CREBL2: variants seen among roughly 807,000 people sequenced by gnomAD.
The protein encoded by CREBL2 is cAMP-responsive element-binding protein-like 2.
Under a neutral mutation model 19.5 loss-of-function variants are expected in CREBL2, and 4 were observed. The observed-to-expected ratio is 0.20, with a 90% CI of 0.10 to 0.47. The LOEUF (loss-of-function observed/expected upper bound fraction) is 0.47. Among genes scored for constraint, CREBL2 ranks in the 20% least tolerant of loss-of-function variants. CREBL2 has a pLI of 0.98. For missense variants in CREBL2, 85 were observed against 145.1 expected, an observed-to-expected ratio of 0.59 and a Z score of 2.13; for synonymous variants, 42 against 46.6, an observed-to-expected ratio of 0.90 and a Z score of 0.40.
At chr12:12,641,263 A>ATTTTT (rs761407635) in intron 3 of CREBL2, among the ~76,000 whole-genome samples, 5 of 85,918 alleles carry the variant, frequency 5.8e-5, no homozygotes, top group African/African-American at 8.4e-5. Context: ...ATTTTTTTTT[A>ATTTTT]TTTTTTTTTT....
chr12:12,640,844 A>G (rs1200986852), intron 3 of CREBL2, among the ~76,000 whole-genome samples: 1 of 152,072 alleles, frequency 6.6e-6, no homozygotes, highest in African/African-American at 2.4e-5. Flanking sequence ...CACTTTGTTG[A>G]TAGTGTTCTT....
chr12:12,612,102 C>T lies in CREBL2; in HGVS notation c.-71C>T, dbSNP rs1945271467. The stretch of plus-strand genomic sequence containing the variant: ...TCCCCTTCTTCCTCGGGGCGGGGGC[C>T]GGGCCAGGCCGGCTGAGCCGGGGGA... On this transcript the variant is annotated 5_prime_UTR_variant, in exon 1 of 4. Coordinates refer to ENST00000228865, the MANE Select transcript of CREBL2 (RefSeq NM_001310.4). The T allele has an allele frequency of 1.6e-5, 26 of 1,586,128 alleles. No individual in the cohort carries two copies. Among genetic ancestry groups the T allele is most frequent in the Non-Finnish European group, 2.1e-5 (25 of 1,163,478 alleles).
chr12:12,637,502 T>G (rs952547800), intron 2 of CREBL2, 68 bp from the exon 3 acceptor site: 12 of 1,064,844 alleles, frequency 1.1e-5, no homozygotes, highest in Non-Finnish European at 1.3e-5. Context: ...TCCTGAACTC[T>G]GACAAGTAAA....
intron 1 of CREBL2, among the ~76,000 whole-genome samples, chr12:12,619,370 G>T (rs2136300203): frequency 6.6e-6 from 1 of 152,244 alleles, no homozygotes; most frequent in East Asian, 1.9e-4. Flanking sequence ...AGCACTTTGA[G>T]AGGCCAAGGT....
chr12:12,625,392 T>A (rs1206496121), intron 1 of CREBL2, among the ~76,000 whole-genome samples: 8 of 152,222 alleles, frequency 5.3e-5, no homozygotes, highest in Non-Finnish European at 1.0e-4. Context: ...AGGTGTAACA[T>A]GAAAAAGTTT....
rs1305132917 is a variant in CREBL2 at position 12,641,258 on chromosome 12, TTTTTA to T, written c.359-731_359-727del. 5.3e-4 allele frequency among the ~76,000 whole-genome samples: 51 copies of T among 96,898 alleles called. 3 individuals carry two copies. The highest frequency in any genetic ancestry group is 3.6e-3 in the East Asian group (12 of 3,342). 63.6% of individuals were successfully genotyped at this position (96,898 alleles called of 152,430 possible). On this transcript the variant is annotated intron_variant, in intron 3 of 3. Transcript: ENST00000228865. ...TTATTATTATTATTATTATTATTTT[TTTTTA>T]TTTTTTTTTTTTTTAGGTCAACCTC...
chr12:12,617,768 A>G (rs1378622868), intron 1 of CREBL2, among the ~76,000 whole-genome samples: 1 of 147,640 alleles, frequency 6.8e-6, no homozygotes, highest in Admixed American at 7.0e-5. Flanking sequence ...GTCAGCAGAT[A>G]AACATGTGAA....
At chr12:12,641,913 A>G (rs1236096478) in intron 3 of CREBL2, 81 bp from the exon 4 acceptor site, 2 of 946,828 alleles carry the variant, frequency 2.1e-6, no homozygotes, top group Admixed American at 6.2e-5. Context: ...CTGAAAAAAA[A>G]AATTTATGCA....
At chr12:12,620,310 T>G (rs756082793) in intron 1 of CREBL2, among the ~76,000 whole-genome samples, 9 of 152,136 alleles carry the variant, frequency 5.9e-5, no homozygotes, top group African/African-American at 2.2e-4. Context: ...CATGGTTCAC[T>G]GCAGCCTCCA....
At chr12:12,640,505 G>T (rs976412876) in intron 3 of CREBL2, among the ~76,000 whole-genome samples, 1 of 151,992 alleles carries the variant, frequency 6.6e-6, no homozygotes, top group Non-Finnish European at 1.5e-5. Context: ...ATTTCATATT[G>T]TTCCAACACA....
intron 1 of CREBL2, among the ~76,000 whole-genome samples, chr12:12,626,439 C>G (rs759541514): frequency 7.2e-5 from 11 of 152,144 alleles, no homozygotes; most frequent in Non-Finnish European, 1.0e-4. Flanking sequence ...TTGACCCCTC[C>G]CCTCCAGAAT....
At chr12:12,618,216 C>T (rs1247781971) in intron 1 of CREBL2, among the ~76,000 whole-genome samples, 11 of 149,246 alleles carry the variant, frequency 7.4e-5, no homozygotes, top group African/African-American at 2.3e-4. Flanking sequence ...CGGGCGGAGA[C>T]GCTCCTCACT....
At chr12:12,613,990 C>CTTTTTTTTTTTTTTTTTTTTTTTTTT (rs57522744) in intron 1 of CREBL2, among the ~76,000 whole-genome samples, 1 of 72,922 alleles carries the variant, frequency 1.4e-5, no homozygotes, top group African/African-American at 5.5e-5. Flanking sequence ...TCTTTTTTTT[C>CTTTTTTTTTTTTTTTTTTTTTTTTTT]TTTTTTTTTT....
intron 1 of CREBL2, among the ~76,000 whole-genome samples, chr12:12,626,051 C>T (rs904019276): frequency 6.6e-6 from 1 of 152,072 alleles, no homozygotes; most frequent in Non-Finnish European, 1.5e-5. Context: ...TCATAATGAG[C>T]GCTTTCTGAC....
At chr12:12,619,401 T>C (rs1209079356) in intron 1 of CREBL2, among the ~76,000 whole-genome samples, 1 of 151,496 alleles carries the variant, frequency 6.6e-6, no homozygotes, top group African/African-American at 2.4e-5. Context: ...AGTTCAGGAG[T>C]TCAAGATCAG....
At position 12,643,231 on chromosome 12, in the gene CREBL2, ATT is replaced by A. The variant is rs2136309160; in HGVS notation, c.*1235_*1236del. The A allele has an allele frequency of 1.3e-5, 2 of 152,648 alleles. No homozygotes were observed. The highest frequency in any genetic ancestry group is 4.1e-4 in the South Asian group (2 of 4,824). The allele number at this position is 152,648 out of a possible 1,614,324, so 9.5% of individuals were successfully genotyped here. On this transcript the variant is annotated 3_prime_UTR_variant, in exon 4 of 4. Coordinates refer to ENST00000228865, the MANE Select transcript of CREBL2 (RefSeq NM_001310.4). Reference sequence around the variant, plus strand: ...GCAGAAGGGCAGGGTAGTTCTTTCCATTTCCCCTTGCAGCTACACTTACTTTC... The same window carrying A: ...GCAGAAGGGCAGGGTAGTTCTTTCCATCCCCTTGCAGCTACACTTACTTTC...
chr12:12,627,613 T>C (rs1018163732), intron 1 of CREBL2, among the ~76,000 whole-genome samples: 2 of 152,246 alleles, frequency 1.3e-5, no homozygotes, highest in Non-Finnish European at 2.9e-5. Flanking sequence ...CTTTTTGTTA[T>C]CTATTCATCA....
In CREBL2 at chr12:12,635,927, TC is replaced by T. The variant is rs1945471378; in HGVS notation, c.168del (p.Ser57ValfsTer32). On this transcript the variant is annotated frameshift_variant, in exon 2 of 4. Coordinates refer to ENST00000228865, the MANE Select transcript of CREBL2 (RefSeq NM_001310.4). LOFTEE classifies it high-confidence loss of function. Reference sequence around the variant, plus strand: ...ATATCAGTATTTGGAAGAGTTGGTATCCAGTCGAGAAAGAGCTATATGTGCC... The same window carrying T: ...ATATCAGTATTTGGAAGAGTTGGTATCAGTCGAGAAAGAGCTATATGTGCC... ...LRYQYLEELV[S>X]SRERAICALR... 1 of 1,614,012 alleles carries T rather than the reference TC, an allele frequency of 6.2e-7. No individual in the cohort carries two copies. Among genetic ancestry groups the T allele is most frequent in the Non-Finnish European group, 8.5e-7 (1 of 1,180,034 alleles).
At chr12:12,625,804 A>C (rs925611441) in intron 1 of CREBL2, among the ~76,000 whole-genome samples, 1 of 152,228 alleles carries the variant, frequency 6.6e-6, no homozygotes, top group Non-Finnish European at 1.5e-5. Context: ...TTTATTTCAT[A>C]TCTGCTTCTT....
Sources: allele counts gnomAD v4.1 joint callset (sites outside exome capture counted in the v4.1 genomes callset), GRCh38; gene constraint gnomAD v4.1.1; transcripts MANE v1.5; gene names NCBI Gene and HGNC (gene_info 2026-07-23, HGNC 2026-07-21).